Variants in BMP6 observed in about 807,000 individuals in gnomAD.
BMP6 encodes VG-1-R.
Under a neutral mutation model 54.1 loss-of-function variants are expected in BMP6, and 17 were observed. The observed-to-expected ratio is 0.31, with a 90% CI of 0.22 to 0.47. BMP6 has a LOEUF of 0.47. Among genes scored for constraint, BMP6 ranks in the 20% least tolerant of loss-of-function variants. The probability of loss-of-function intolerance (pLI) is 1.00; values close to 1 mark genes in which losing one functional copy is unlikely to be tolerated. For missense variants in BMP6, 720 were observed against 690.4 expected (o/e 1.04, Z -0.48); for synonymous variants, 328 against 291.2 (o/e 1.13, Z -1.28).
In BMP6 at chr6:7,765,468, C is replaced by A. The variant is rs555524271; in HGVS notation, c.664+37849C>A. Among the ~76,000 whole-genome samples the A allele has an allele frequency of 9.1e-4, 138 of 152,300 alleles. 1 individual carries two copies. The highest frequency in any genetic ancestry group is 3.2e-3 in the African/African-American group (135 of 41,542). On this transcript the variant is annotated intron_variant, in intron 1 of 6. Transcript: ENST00000283147. ...TTGCTTGGTGCAGTTAGGTACCTTG[C>A]CCCGTGACCACACCTGATATTAATA...
intron 1 of BMP6, among the ~76,000 whole-genome samples, chr6:7,794,559 C>G (rs1020183122): frequency 2.1e-5 from 3 of 145,144 alleles, no homozygotes; most frequent in Non-Finnish European, 4.5e-5. Flanking sequence ...GTGATAGTAC[C>G]ACAGCACTCC....
intron 1 of BMP6, among the ~76,000 whole-genome samples, chr6:7,735,979 T>C (rs1268753537): frequency 1.3e-5 from 2 of 152,250 alleles, no homozygotes; most frequent in Non-Finnish European, 2.9e-5. Context: ...GAAAGAATTA[T>C]AAAATACCTC....
At chr6:7,779,377 A>G (rs1757906976) in intron 1 of BMP6, among the ~76,000 whole-genome samples, 1 of 151,904 alleles carries the variant, frequency 6.6e-6, no homozygotes, top group African/African-American at 2.4e-5. Context: ...CTGTTTGCAC[A>G]TCCCAGGCTG....
chr6:7,843,047 C>T (rs958577142), intron 1 of BMP6, among the ~76,000 whole-genome samples: 2 of 152,144 alleles, frequency 1.3e-5, no homozygotes, highest in African/African-American at 4.8e-5. Context: ...ACATATCAAA[C>T]TTAAAAGGCA....
At chr6:7,767,272 C>T (rs1036865150) in intron 1 of BMP6, among the ~76,000 whole-genome samples, 5 of 151,914 alleles carry the variant, frequency 3.3e-5, no homozygotes, top group Non-Finnish European at 7.4e-5. Flanking sequence ...CAGCGCCTGG[C>T]GGAATAGTAT....
At chr6:7,747,462 T>A (rs538893555) in intron 1 of BMP6, among the ~76,000 whole-genome samples, 1 of 152,244 alleles carries the variant, frequency 6.6e-6, no homozygotes, top group South Asian at 2.1e-4. Flanking sequence ...TGCAGTGGCC[T>A]CTGGAAGCTG....
chr6:7,807,982 A>T (rs796352372), intron 1 of BMP6, among the ~76,000 whole-genome samples: 1 of 133,192 alleles, frequency 7.5e-6, no homozygotes, highest in Non-Finnish European at 1.5e-5. Flanking sequence ...GTGCAGTGGC[A>T]CGATCTCAGC....
intron 1 of BMP6, among the ~76,000 whole-genome samples, chr6:7,795,946 T>C (rs1758184614): frequency 6.6e-6 from 1 of 152,094 alleles, no homozygotes; most frequent in African/African-American, 2.4e-5. Context: ...GTTTGACATA[T>C]GTTGAATTTG....
intron 1 of BMP6, among the ~76,000 whole-genome samples, chr6:7,825,823 C>T (rs1758689163): frequency 6.6e-6 from 1 of 152,186 alleles, no homozygotes; most frequent in South Asian, 2.1e-4. Context: ...CTTCCAACCA[C>T]ATGGGCGTCA....
chr6:7,804,709 AT>A (rs1371472368), intron 1 of BMP6, among the ~76,000 whole-genome samples: 1 of 152,226 alleles, frequency 6.6e-6, no homozygotes, highest in African/African-American at 2.4e-5. Flanking sequence ...AGATAAAAAT[AT>A]GCTCGGTCCC....
chr6:7,879,249 G>A, intron 5 of BMP6, 99 bp downstream of exon 5: 1 of 1,257,382 alleles, frequency 8.0e-7, no homozygotes, highest in South Asian at 1.2e-5. Flanking sequence ...CTTGATTGAA[G>A]GCTGAGCTGC....
chr6:7,775,636 G>C (rs1261223500), intron 1 of BMP6, among the ~76,000 whole-genome samples: 5 of 152,204 alleles, frequency 3.3e-5, no homozygotes, highest in Admixed American at 2.0e-4. Flanking sequence ...AAGGGACCGG[G>C]TTCATGTCCC....
At chr6:7,790,796 A>G (rs183428450) in intron 1 of BMP6, among the ~76,000 whole-genome samples, 16 of 152,288 alleles carry the variant, frequency 1.1e-4, no homozygotes, top group African/African-American at 3.1e-4. Flanking sequence ...ACATGGCCCA[A>G]TACTCCTTCT....
Position 7,759,696 on chromosome 6 carries a change from CT to C in BMP6, c.664+32101del, listed in dbSNP as rs71542880. Among the ~76,000 whole-genome samples the C allele has an allele frequency of 6.9e-3, 428 of 62,190 alleles. 6 individuals carry two copies. The highest frequency in any genetic ancestry group is 0.039 in the African/African-American group (395 of 10,206). 40.8% of individuals were successfully genotyped at this position (62,190 alleles called of 152,430 possible). A position where few individuals can be genotyped will look rare whatever the true frequency, so the allele number is the denominator to read the frequency against. On this transcript the variant is annotated intron_variant, in intron 1 of 6. Transcript: ENST00000283147. ...TTTAAAGACTAATTTCTTTCTTCTTCTTTTTTTTTTTTTTTTTTTTTTTTGG... is the reference window on the plus strand; with the variant it reads ...TTTAAAGACTAATTTCTTTCTTCTTCTTTTTTTTTTTTTTTTTTTTTTTGG...
intron 1 of BMP6, among the ~76,000 whole-genome samples, chr6:7,830,829 A>G (rs1423835927): frequency 6.7e-6 from 1 of 150,282 alleles, no homozygotes; most frequent in Non-Finnish European, 1.5e-5. Flanking sequence ...CCACGATTCA[A>G]CTGTCTCCCA....
intron 4 of BMP6, among the ~76,000 whole-genome samples, chr6:7,870,458 C>T (rs1759505960): frequency 2.6e-5 from 4 of 152,196 alleles, no homozygotes. Context: ...TTCATAAAGA[C>T]ACGCTTTGGG....
chr6:7,875,371 C>T (rs2326993), intron 4 of BMP6, among the ~76,000 whole-genome samples: 7,662 of 152,240 alleles, frequency 0.05, 398 homozygotes, highest in African/African-American at 0.13. Flanking sequence ...TTCACAGATA[C>T]ACCCCAAAAT....
intron 1 of BMP6, among the ~76,000 whole-genome samples, chr6:7,799,172 G>C (rs1264254673): frequency 6.6e-6 from 1 of 152,186 alleles, no homozygotes; most frequent in African/African-American, 2.4e-5. Context: ...AGAGGAGAGA[G>C]CAGCTTGTTC....
chr6:7,861,354 G>A (rs1196091634), intron 2 of BMP6, 97 bp from the exon 3 acceptor site: 7 of 1,483,240 alleles, frequency 4.7e-6, no homozygotes, highest in Non-Finnish European at 6.4e-6. Flanking sequence ...GATGTGATCT[G>A]ACTCGGGCAT....
Sources: gnomAD v4.1 joint callset for allele counts (sites outside exome capture counted in the v4.1 genomes callset) on GRCh38, gnomAD v4.1.1 for gene constraint, MANE v1.5 for transcripts, NCBI Gene and HGNC (gene_info 2026-07-23, HGNC 2026-07-21) for gene names.